Variants in ACTL6B observed in about 807,000 individuals in gnomAD.
ACTL6B encodes actin-like protein 6B.
ACTL6B carries 48 observed loss-of-function variants against 63.3 expected under a neutral mutation model. That is an observed-to-expected ratio of 0.76 (90% CI 0.60 to 0.96). The LOEUF is 0.96. Among genes scored for constraint, ACTL6B ranks in the 50% least tolerant of loss-of-function variants. The pLI is 0.00. For synonymous variants in ACTL6B, 230 were observed against 223.8 expected, an observed-to-expected ratio of 1.03 and a Z score of -0.25; for missense variants, 350 against 572.2, an observed-to-expected ratio of 0.61 and a Z score of 3.96.
In ACTL6B at chr7:100,656,320, G is replaced by A. The variant is rs1438680420; in HGVS notation, c.25+10C>T. 1 of 1,385,626 alleles carries A rather than the reference G, an allele frequency of 7.2e-7. No individual in the cohort carries two copies. Among genetic ancestry groups the A allele is most frequent in the South Asian group, 1.6e-5 (1 of 62,604 alleles). 85.8% of individuals were successfully genotyped at this position (1,385,626 alleles called of 1,614,324 possible). A position where few individuals can be genotyped will look rare whatever the true frequency, so the allele number is the denominator to read the frequency against. ...GGGCTGCGGGAGCCGGGGGCCCGAG[G>A]CTCGCTCACCTCCGCCGTAGACGCC... On this transcript the variant is annotated intron_variant, in intron 1 of 13. Coordinates refer to ENST00000160382, the MANE Select transcript of ACTL6B (RefSeq NM_016188.5).
intron 13 of ACTL6B, among the ~76,000 whole-genome samples, chr7:100,644,772 C>T (rs552801525): frequency 2.1e-4 from 32 of 149,256 alleles, no homozygotes; most frequent in Admixed American, 6.0e-4. Context: ...TACTTAATTT[C>T]AGGCCGGGCA....
chr7:100,652,279 T>C (rs1307398610), intron 4 of ACTL6B, among the ~76,000 whole-genome samples: 3 of 151,908 alleles, frequency 2.0e-5, no homozygotes, highest in Non-Finnish European at 4.4e-5. Context: ...GTGCCTATAG[T>C]CCCAGCTACT....
At chr7:100,654,161 A>G (rs1055204545) in intron 4 of ACTL6B, among the ~76,000 whole-genome samples, 1 of 151,534 alleles carries the variant, frequency 6.6e-6, no homozygotes, top group African/African-American at 2.4e-5. Flanking sequence ...TTTAGTAGAG[A>G]TGGGGTTTCA....
At chr7:100,656,256 T>C in intron 1 of ACTL6B, 74 bp downstream of exon 1, 2 of 1,353,564 alleles carry the variant, frequency 1.5e-6, no homozygotes, top group Non-Finnish European at 1.9e-6. Flanking sequence ...GGCCCCGGGG[T>C]GCCCAGAGCT....
intron 13 of ACTL6B, among the ~76,000 whole-genome samples, chr7:100,645,819 A>G (rs1269325286): frequency 2.0e-5 from 3 of 152,116 alleles, no homozygotes; most frequent in Non-Finnish European, 2.9e-5. Flanking sequence ...TTTAGTAGAG[A>G]CAAGGTTTCG....
Position 100,648,100 on chromosome 7 carries a change from C to T in ACTL6B, c.669+456G>A, listed in dbSNP as rs1803860125. 6.4e-6 allele frequency: 1 copy of T among 155,508 alleles called. No individual in the cohort carries two copies. The highest frequency in any genetic ancestry group is 2.4e-5 in the African/African-American group (1 of 41,456). The allele number at this position is 155,508 out of a possible 1,614,324, so 9.6% of individuals were successfully genotyped here. ...TCAGCCTCCCAAGTAGCTGGGACTA[C>T]AGGCATGCACCACCATGCTTGGCTA... On this transcript the variant is annotated intron_variant, in intron 7 of 13. Coordinates refer to ENST00000160382, the MANE Select transcript of ACTL6B (RefSeq NM_016188.5). The surrounding 1 kb of genome is among the most constrained non-coding windows in gnomAD (Gnocchi z 4.4).
Position 100,655,346 on chromosome 7 carries a change from T to A in ACTL6B, c.268+75A>T, listed in dbSNP as rs1463974684. ...GCTGCAAGGAAGACTCCGCGGGGAG[T>A]GGGGGCTGCTATGACCCAGATTGTG... On this transcript the variant is annotated intron_variant, in intron 3 of 13. Coordinates refer to ENST00000160382, the MANE Select transcript of ACTL6B (RefSeq NM_016188.5). The surrounding 1 kb of genome is among the most constrained non-coding windows in gnomAD (Gnocchi z 4.4). 6.7e-7 allele frequency: 1 copy of A among 1,499,650 alleles called. No individual in the cohort carries two copies. The highest frequency in any genetic ancestry group is 9.1e-7 in the Non-Finnish European group (1 of 1,103,960). The allele number at this position is 1,499,650 out of a possible 1,614,324, so 92.9% of individuals were successfully genotyped here.
rs1221453237 is a variant in ACTL6B at position 100,646,130 on chromosome 7, TCAAAA to T, written c.1200+114_1200+118del. 5.1e-6 allele frequency: 5 copies of T among 977,148 alleles called. No homozygotes were observed. Among genetic ancestry groups the T allele is most frequent in the African/African-American group, 1.6e-5 (1 of 61,694 alleles). The allele number at this position is 977,148 out of a possible 1,614,324, so 60.5% of individuals were successfully genotyped here. ...GGGAACATTCATTGACTGACATTTC[TCAAAA>T]CTAAATGTTTGTTGAATGAATGAAT... On this transcript the variant is annotated intron_variant, in intron 13 of 13. Transcript: ENST00000160382. This position sits in a 1 kb window ranked among gnomAD's most constrained non-coding sequence, Gnocchi z 6.1.
At position 100,655,938 on chromosome 7, in the gene ACTL6B, C is replaced by T. The variant is rs1804032320; in HGVS notation, c.26-59G>A. 6.6e-7 allele frequency: 1 copy of T among 1,505,892 alleles called. No individual in the cohort carries two copies. Among genetic ancestry groups the T allele is most frequent in the Non-Finnish European group, 9.0e-7 (1 of 1,114,374 alleles). 93.3% of individuals were successfully genotyped at this position (1,505,892 alleles called of 1,614,324 possible). A position where few individuals can be genotyped will look rare whatever the true frequency, so the allele number is the denominator to read the frequency against. ...CCCCGAACTCTCTCCCGCTAGGTAG[C>T]TCCGAGAGAAAGTCAGGGCAGAGCC... On this transcript the variant is annotated intron_variant, in intron 1 of 13. Coordinates refer to ENST00000160382, the MANE Select transcript of ACTL6B (RefSeq NM_016188.5). This position sits in a 1 kb window ranked among gnomAD's most constrained non-coding sequence, Gnocchi z 4.4.
At position 100,656,372 on chromosome 7, in the gene ACTL6B, T is replaced by C; in HGVS notation, c.-18A>G. ...CCGCTCATAGTGCCCGCTGCGCTGC[T>C]AGCGGCCCGTGGGCGGTGGCGGGAT... is the stretch of plus-strand genomic sequence containing the variant. On this transcript the variant is annotated 5_prime_UTR_variant, in exon 1 of 14. Coordinates refer to ENST00000160382, the MANE Select transcript of ACTL6B (RefSeq NM_016188.5). The C allele has an allele frequency of 7.5e-7, 1 of 1,331,018 alleles. No homozygotes were observed. Among genetic ancestry groups the C allele is most frequent in the South Asian group, 1.9e-5 (1 of 53,068 alleles). The allele number at this position is 1,331,018 out of a possible 1,614,324, so 82.5% of individuals were successfully genotyped here. A position where few individuals can be genotyped will look rare whatever the true frequency, so the allele number is the denominator to read the frequency against.
chr7:100,646,268 C>A lies in ACTL6B; in HGVS notation c.1181G>T (p.Gly394Val), dbSNP rs1186242406. ...TCTCACCAGTGAGGCCAGGATGGAA[C>A]CCCCGATCCAGGGGCTGAACTTGCG... ...MERKFSPWIG[G>V]SILASLGTFQ... Residue 394 changes from glycine to valine, a missense_variant, in exon 13 of 14, where the codon GGT (glycine) becomes GTT (valine). Gly to Val is a moderately radical substitution (Grantham distance 109). Around this residue, in one of 3 missense-constraint regions of ACTL6B, gnomAD observed 76 missense variants for 126.1 expected, o/e 0.60. Coordinates refer to ENST00000160382, the MANE Select transcript of ACTL6B (RefSeq NM_016188.5). This position sits in a 1 kb window ranked among gnomAD's most constrained non-coding sequence, Gnocchi z 6.1. The A allele has an allele frequency of 6.2e-7, 1 of 1,614,126 alleles. No individual in the cohort carries two copies. Among genetic ancestry groups the A allele is most frequent in the Non-Finnish European group, 8.5e-7 (1 of 1,180,000 alleles).
chr7:100,650,546 A>G (rs1312799485), intron 4 of ACTL6B, among the ~76,000 whole-genome samples: 1 of 152,122 alleles, frequency 6.6e-6, no homozygotes, highest in Non-Finnish European at 1.5e-5. Context: ...CATTTAAAAC[A>G]TTTGCACAGG....
chr7:100,648,876 G>A lies in ACTL6B; in HGVS notation c.468-53C>T. On this transcript the variant is annotated intron_variant, in intron 5 of 13. Transcript: ENST00000160382. This position sits in a 1 kb window ranked among gnomAD's most constrained non-coding sequence, Gnocchi z 4.4. ...ACAGCAGCAGCAAGTGAGGGGCCTG[G>A]GCCCAGATCTTGTCTGGTCACTCTC... 6.4e-7 allele frequency: 1 copy of A among 1,550,706 alleles called. No individual in the cohort carries two copies. Among genetic ancestry groups the A allele is most frequent in the East Asian group, 2.3e-5 (1 of 42,712 alleles).
chr7:100,650,275 T>C (rs2131335928), intron 4 of ACTL6B, 140 bp from the exon 5 acceptor site: 2 of 673,398 alleles, frequency 3.0e-6, no homozygotes, highest in Non-Finnish European at 5.3e-6. Context: ...ATACACAACC[T>C]AAACACTCAC....
chr7:100,650,729 TG>T (rs1471975657), intron 4 of ACTL6B, among the ~76,000 whole-genome samples: 1 of 148,848 alleles, frequency 6.7e-6, no homozygotes, highest in Non-Finnish European at 1.5e-5. Context: ...TGAACAGAAA[TG>T]AAAAACTCAA....
chr7:100,653,853 G>A (rs1803986286), intron 4 of ACTL6B, among the ~76,000 whole-genome samples: 1 of 152,066 alleles, frequency 6.6e-6, no homozygotes, highest in South Asian at 2.1e-4. Context: ...CAATTTAAGT[G>A]TAGTATTAGA....
chr7:100,646,302 T>C lies in ACTL6B; in HGVS notation c.1147A>G (p.Thr383Ala). 1 of 1,614,004 alleles carries C rather than the reference T, an allele frequency of 6.2e-7. No individual in the cohort carries two copies. The highest frequency in any genetic ancestry group is 2.2e-5 in the East Asian group (1 of 44,866). ...MRLKLIASNS[T>A]MERKFSPWIG... ...CAGGGGCTGAACTTGCGCTCCATGG[T>C]GCTGTTGCTGGCAATGAGTTTCAGT... Residue 383 changes from threonine to alanine, a missense_variant, in exon 13 of 14, where the codon ACC (threonine) becomes GCC (alanine). By Grantham distance (58) the Thr-to-Ala change is moderately conservative. This residue lies in a region of ACTL6B where 76 missense variants were observed against 126.1 expected (regional missense o/e 0.60). Transcript: ENST00000160382. The surrounding 1 kb of genome is among the most constrained non-coding windows in gnomAD (Gnocchi z 6.1).
intron 4 of ACTL6B, 62 bp from the exon 5 acceptor site, chr7:100,650,197 C>G: frequency 7.1e-7 from 1 of 1,408,220 alleles, no homozygotes; most frequent in South Asian, 1.2e-5. Flanking sequence ...CACATCCACG[C>G]ACACGCAACC....
chr7:100,646,017 C>G lies in ACTL6B; in HGVS notation c.1200+232G>C, dbSNP rs529376684. On this transcript the variant is annotated intron_variant, in intron 13 of 13. Coordinates refer to ENST00000160382, the MANE Select transcript of ACTL6B (RefSeq NM_016188.5). This position sits in a 1 kb window ranked among gnomAD's most constrained non-coding sequence, Gnocchi z 6.1. The stretch of plus-strand genomic sequence containing the variant: ...AACTCCTAGCCTCAAGCCATCCCCC[C>G]ACTTCAGCCACCCAAAGTGCTGGGA... Among the ~76,000 whole-genome samples, 7 of 152,240 alleles carry G rather than the reference C, an allele frequency of 4.6e-5. No homozygotes were observed. The highest frequency in any genetic ancestry group is 8.8e-5 in the Non-Finnish European group (6 of 68,054).
Sources: gnomAD v4.1 joint callset for allele counts (sites outside exome capture counted in the v4.1 genomes callset) on GRCh38, gnomAD v4.1.1 for gene constraint, gnomAD v4.1.1 regional missense constraint, Gnocchi (gnomAD v3.1) non-coding constraint, MANE v1.5 for transcripts, NCBI Gene and HGNC (gene_info 2026-07-23, HGNC 2026-07-21) for gene names.